The following SGCZ variants were observed in gnomAD, a reference collection of about 807,000 sequenced individuals.
The protein encoded by SGCZ is sarcoglycan zeta, also known as zeta-sarcoglycan.
SGCZ carries 40 observed loss-of-function variants against 41.3 expected under a neutral mutation model. The ratio of observed to expected loss-of-function variants is 0.97; its 90% CI spans 0.75 to 1.26. The LOEUF is 1.26. Ranked by LOEUF, SGCZ falls within the 50% of genes most tolerant of loss-of-function variation. SGCZ has a pLI of 0.00. For missense variants in SGCZ, 552 were observed against 369.8 expected (o/e 1.49, Z -4.04); for synonymous variants, 206 against 137.5 (o/e 1.50, Z -3.49).
At chr8:14,111,925 A>G (rs935034401) in intron 5 of SGCZ, among the ~76,000 whole-genome samples, 6 of 152,244 alleles carry the variant, frequency 3.9e-5, no homozygotes, top group African/African-American at 1.2e-4. Flanking sequence ...ACAAATTATT[A>G]AAATTAAATG....
At chr8:14,797,547 T>C (rs963984454) in intron 1 of SGCZ, among the ~76,000 whole-genome samples, 1 of 152,066 alleles carries the variant, frequency 6.6e-6, no homozygotes, top group Non-Finnish European at 1.5e-5. Flanking sequence ...GATGGGAAAA[T>C]TTACAGCCTG....
Position 14,086,125 on chromosome 8 carries a change from A to G in SGCZ, c.*4318T>C, listed in dbSNP as rs763956720. 8.6e-4 allele frequency among the ~76,000 whole-genome samples: 131 copies of G among 151,870 alleles called. No homozygotes were observed. Among genetic ancestry groups the G allele is most frequent in the Non-Finnish European group, 1.2e-3 (80 of 67,776 alleles). On this transcript the variant is annotated 3_prime_UTR_variant, in exon 8 of 8. Coordinates refer to ENST00000382080, the MANE Select transcript of SGCZ (RefSeq NM_139167.4). ...ATAATTTCTCCATATGTCATTAAAT[A>G]TGATCACATGAACAACTCTTATTAG...
At position 14,768,180 on chromosome 8, in the gene SGCZ, G is replaced by T. The variant is rs547610585; in HGVS notation, c.40-213254C>A. Among the ~76,000 whole-genome samples, 27 of 152,270 alleles carry T rather than the reference G, an allele frequency of 1.8e-4. No individual in the cohort carries two copies. In the Middle Eastern group the frequency reaches 0.014, roughly 77 times the overall value. On this transcript the variant is annotated intron_variant, in intron 1 of 7. Coordinates refer to ENST00000382080, the MANE Select transcript of SGCZ (RefSeq NM_139167.4). ...TACTTATGTATTACAAGCATTCATGGTATCTGTGTGACATTTCTGACTTTA... is the reference window on the plus strand; with the variant it reads ...TACTTATGTATTACAAGCATTCATGTTATCTGTGTGACATTTCTGACTTTA...
chr8:14,190,685 C>T (rs574206036), intron 4 of SGCZ, among the ~76,000 whole-genome samples: 1 of 152,052 alleles, frequency 6.6e-6, no homozygotes, highest in South Asian at 2.1e-4. Flanking sequence ...TCACTACAAC[C>T]TCCACCTCCC....
intron 2 of SGCZ, among the ~76,000 whole-genome samples, chr8:14,401,286 T>A (rs67199088): frequency 0.077 from 11,651 of 151,988 alleles, 593 homozygotes; most frequent in Admixed American, 0.12. Context: ...TTATTTATTT[T>A]TTTTTCTTTA....
intron 1 of SGCZ, among the ~76,000 whole-genome samples, chr8:14,979,656 T>C (rs1801596935): frequency 6.6e-6 from 1 of 152,220 alleles, no homozygotes; most frequent in South Asian, 2.1e-4. Flanking sequence ...GGCACTGTTA[T>C]TAATACCACA....
rs186060682 is a variant in SGCZ, at chr8:14,795,705, A to G, written c.40-240779T>C. ...CTTTCATTTCAAGTTCAGGGGTACA[A>G]GTGCATATTAATTACATAGGTAAAC... On this transcript the variant is annotated intron_variant, in intron 1 of 7. Transcript: ENST00000382080. Among the ~76,000 whole-genome samples the G allele has an allele frequency of 1.3e-5, 2 of 152,258 alleles. 1 individual carries two copies. Among genetic ancestry groups the G allele is most frequent in the Non-Finnish European group, 2.9e-5 (2 of 68,018 alleles).
intron 2 of SGCZ, among the ~76,000 whole-genome samples, chr8:14,363,339 A>G (rs1204366468): frequency 6.6e-6 from 1 of 152,152 alleles, no homozygotes; most frequent in East Asian, 1.9e-4. Flanking sequence ...TCAGACTGAG[A>G]CTAGACTACT....
At position 14,377,629 on chromosome 8, in the gene SGCZ, C is replaced by A. The variant is rs375921382; in HGVS notation, c.235-53425G>T. Among the ~76,000 whole-genome samples, 103 of 151,920 alleles carry A rather than the reference C, an allele frequency of 6.8e-4. No homozygotes were observed. The East Asian group carries it at 0.011, about 16-fold the overall frequency. ...GTGCCATGCTGGTGTGCTGCACCCA[C>A]TAACTCGTCATCTAGCATTAGGTAT... is the stretch of plus-strand genomic sequence containing the variant. On this transcript the variant is annotated intron_variant, in intron 2 of 7. Coordinates refer to ENST00000382080, the MANE Select transcript of SGCZ (RefSeq NM_139167.4).
intron 1 of SGCZ, among the ~76,000 whole-genome samples, chr8:14,608,471 T>C (rs1805824235): frequency 6.6e-6 from 1 of 152,020 alleles, no homozygotes; most frequent in Non-Finnish European, 1.5e-5. Flanking sequence ...ATGTGTCATA[T>C]GGCAAGAGAG....
At chr8:14,730,516 G>A (rs781739596) in intron 1 of SGCZ, among the ~76,000 whole-genome samples, 19 of 151,858 alleles carry the variant, frequency 1.3e-4, no homozygotes, top group South Asian at 8.3e-4. Context: ...ATTACAATAC[G>A]TGACAATGAA....
chr8:14,208,401 C>G (rs1352450836), intron 4 of SGCZ, among the ~76,000 whole-genome samples: 1 of 152,126 alleles, frequency 6.6e-6, no homozygotes, highest in East Asian at 1.9e-4. Context: ...TAATATTATT[C>G]TAAACATCCC....
At chr8:14,792,096 G>T (rs978814860) in intron 1 of SGCZ, among the ~76,000 whole-genome samples, 2 of 152,160 alleles carry the variant, frequency 1.3e-5, no homozygotes, top group African/African-American at 4.8e-5. Flanking sequence ...AAATTTGACA[G>T]ATTCTGTTTT....
At chr8:14,519,450 A>G (rs1395761759) in intron 2 of SGCZ, among the ~76,000 whole-genome samples, 1 of 152,146 alleles carries the variant, frequency 6.6e-6, no homozygotes. Flanking sequence ...TCTACTTTTA[A>G]TAAGATAAAC....
chr8:14,779,848 T>G (rs2130429888), intron 1 of SGCZ, among the ~76,000 whole-genome samples: 1 of 152,298 alleles, frequency 6.6e-6, no homozygotes, highest in Admixed American at 6.5e-5. Flanking sequence ...ATTTGATTAT[T>G]AATAATTGCA....
intron 1 of SGCZ, among the ~76,000 whole-genome samples, chr8:15,180,690 C>T (rs1428547956): frequency 1.3e-5 from 2 of 152,080 alleles, no homozygotes; most frequent in East Asian, 3.9e-4. Flanking sequence ...TCAAGACCAT[C>T]CTGGCTAACA....
chr8:14,199,718 C>T (rs369974176), intron 4 of SGCZ, among the ~76,000 whole-genome samples: 17 of 152,100 alleles, frequency 1.1e-4, no homozygotes, highest in East Asian at 3.9e-4. Context: ...AAAGAACCTA[C>T]GTGAAATATC....
At chr8:14,166,480 T>C (rs1354853087) in intron 4 of SGCZ, among the ~76,000 whole-genome samples, 1 of 152,156 alleles carries the variant, frequency 6.6e-6, no homozygotes, top group Non-Finnish European at 1.5e-5. Flanking sequence ...TACATGTGAC[T>C]TACTCTGAGG....
chr8:15,094,260 G>A (rs185619292), intron 1 of SGCZ, among the ~76,000 whole-genome samples: 1 of 152,034 alleles, frequency 6.6e-6, no homozygotes, highest in Non-Finnish European at 1.5e-5. Context: ...TCAGCCTCCT[G>A]AGTAACTGAG....
Sources: allele counts gnomAD v4.1 joint callset (sites outside exome capture counted in the v4.1 genomes callset), GRCh38; gene constraint gnomAD v4.1.1; transcripts MANE v1.5; gene names NCBI Gene and HGNC (gene_info 2026-07-23, HGNC 2026-07-21).